Variants in CHST6 observed in about 807,000 individuals in gnomAD.
CHST6 encodes N-acetylglucosamine 6-O-sulfotransferase 5.
For synonymous variants in CHST6, 309 were observed against 276.4 expected, an observed-to-expected ratio of 1.12 and a Z score of -1.17; for missense variants, 698 against 586.2, an observed-to-expected ratio of 1.19 and a Z score of -1.97.
intron 2 of CHST6, 90 bp from the exon 3 acceptor site, chr16:75,479,934 C>T: frequency 9.1e-7 from 1 of 1,099,266 alleles, no homozygotes; most frequent in South Asian, 1.4e-5. Flanking sequence ...GCAGATTCTA[C>T]CACCAGACCC....
intron 1 of CHST6, among the ~76,000 whole-genome samples, chr16:75,487,349 C>T (rs937255816): frequency 6.6e-5 from 10 of 152,164 alleles, no homozygotes; most frequent in East Asian, 1.9e-4. Context: ...TCACTTCCAG[C>T]CAAGCTCTGC....
intron 1 of CHST6, among the ~76,000 whole-genome samples, chr16:75,486,074 A>C (rs531103813): frequency 6.6e-6 from 1 of 152,176 alleles, no homozygotes; most frequent in Non-Finnish European, 1.5e-5. Context: ...GTGTTCATCA[A>C]ACAAGCTCCA....
At chr16:75,485,011 A>C (rs2080180401) in intron 1 of CHST6, among the ~76,000 whole-genome samples, 1 of 152,204 alleles carries the variant, frequency 6.6e-6, no homozygotes, top group African/African-American at 2.4e-5. Context: ...CCTATCTCTC[A>C]TGCCCTCTCC....
At chr16:75,488,483 A>AG (rs1025165171) in intron 1 of CHST6, among the ~76,000 whole-genome samples, 3 of 151,394 alleles carry the variant, frequency 2.0e-5, no homozygotes, top group African/African-American at 7.3e-5. Context: ...GAGAAAAAAA[A>AG]AAAAAAAAGA....
At chr16:75,486,815 C>T (rs567900383) in intron 1 of CHST6, among the ~76,000 whole-genome samples, 2 of 152,250 alleles carry the variant, frequency 1.3e-5, no homozygotes, top group African/African-American at 4.8e-5. Context: ...TAGATAGTGA[C>T]AGTGAAACCC....
Position 75,472,261 on chromosome 16 carries a change from A to G in CHST6, c.*6380T>C, listed in dbSNP as rs538736187. ...TTTACACTTTATGTGCAGATGTTGT[A>G]TATCAATTATAGCTCAATGAAGCTT... On this transcript the variant is annotated 3_prime_UTR_variant, in exon 3 of 3. Transcript: ENST00000332272. 6.6e-6 allele frequency: 1 copy of G among 152,256 alleles called. No individual in the cohort carries two copies. The highest frequency in any genetic ancestry group is 1.5e-5 in the Non-Finnish European group (1 of 68,042). 9.4% of individuals were successfully genotyped at this position (152,256 alleles called of 1,614,324 possible).
In CHST6 at chr16:75,478,924, C is replaced by G. The variant is rs2080100016; in HGVS notation, c.905G>C (p.Trp302Ser). The G allele has an allele frequency of 1.2e-6, 2 of 1,613,216 alleles. No homozygotes were observed. Among genetic ancestry groups the G allele is most frequent in the Non-Finnish European group, 1.7e-6 (2 of 1,179,978 alleles). ...GLSLTPQLEA[W>S]IHNITHGSGP... ...AGATCCGTGGGTGATGTTATGGATC[C>G]AGGCCTCGAGCTGTGGCGTGAGACT... The change falls in exon 3 of 3, where the codon TGG (tryptophan) becomes TCG (serine). Residue 302 changes from tryptophan to serine, a missense_variant. Coordinates refer to ENST00000332272, the MANE Select transcript of CHST6 (RefSeq NM_021615.5).
intron 1 of CHST6, among the ~76,000 whole-genome samples, chr16:75,484,796 A>G (rs1450046253): frequency 1.3e-5 from 2 of 152,166 alleles, no homozygotes; most frequent in African/African-American, 4.8e-5. Context: ...GTGAGCTGAG[A>G]TTGCGCCACT....
chr16:75,488,475 G>GAAA (rs1384982763), intron 1 of CHST6, among the ~76,000 whole-genome samples: 1 of 86,544 alleles, frequency 1.2e-5, no homozygotes, highest in Non-Finnish European at 2.4e-5. Flanking sequence ...GTCACAAGGA[G>GAAA]AAAAAAAAAA....
intron 1 of CHST6, 100 bp from the exon 2 acceptor site, chr16:75,481,991 G>T: frequency 2.5e-6 from 1 of 401,406 alleles, no homozygotes; most frequent in African/African-American, 2.1e-5. Flanking sequence ...TCTGTAGGAT[G>T]GGATGTGCAA....
Position 75,474,862 on chromosome 16 carries a change from C to G in CHST6, c.*3779G>C. 2.6e-6 allele frequency: 1 copy of G among 390,426 alleles called. No individual in the cohort carries two copies. The highest frequency in any genetic ancestry group is 4.5e-6 in the Non-Finnish European group (1 of 221,254). The allele number at this position is 390,426 out of a possible 1,614,324, so 24.2% of individuals were successfully genotyped here. On this transcript the variant is annotated 3_prime_UTR_variant, in exon 3 of 3. Transcript: ENST00000332272. ...CCAGGCTGGAGTACAGTGGTGCGAT[C>G]TCAGCTCACTGCAATCTCTGCCTCC...
rs1443299574 is a variant in CHST6, at chr16:75,479,743, G to A, written c.86C>T (p.Pro29Leu). The A allele has an allele frequency of 1.9e-6, 3 of 1,604,512 alleles. No homozygotes were observed. The highest frequency in any genetic ancestry group is 2.6e-6 in the Non-Finnish European group (3 of 1,175,758). Residue 29 changes from proline (P) to leucine (L), a missense_variant, in exon 3 of 3, where the codon CCA becomes CTA. Coordinates refer to ENST00000332272, the MANE Select transcript of CHST6 (RefSeq NM_021615.5). ...GCCGCCTGCTGGGGACGAGGGCCCT[G>A]GCCGGGAAACCAGAAAGAGGAGGAG... ...TFLLLFLVSR[P>L]GPSSPAGGEA...
At chr16:75,492,749 C>T (rs2080269449) in intron 1 of CHST6, among the ~76,000 whole-genome samples, 1 of 124,416 alleles carries the variant, frequency 8.0e-6, no homozygotes, top group Admixed American at 8.5e-5. Flanking sequence ...ACCCAGGAGG[C>T]TGAGGCAGGA....
chr16:75,481,376 T>G (rs2080139850), intron 2 of CHST6, among the ~76,000 whole-genome samples: 1 of 152,114 alleles, frequency 6.6e-6, no homozygotes, highest in South Asian at 2.1e-4. Context: ...GCAGATCACC[T>G]GAAGTCAGGA....
In CHST6 at chr16:75,478,437, G is replaced by A. The variant is rs1597471099; in HGVS notation, c.*204C>T. On this transcript the variant is annotated 3_prime_UTR_variant, in exon 3 of 3. Coordinates refer to ENST00000332272, the MANE Select transcript of CHST6 (RefSeq NM_021615.5). ...GCTTTCCATGAAGAGTGCACCTGAT[G>A]AGAAGGCAGCTCCAGAGGACTCAAA... 1.6e-6 allele frequency: 1 copy of A among 613,098 alleles called. No individual in the cohort carries two copies. Among genetic ancestry groups the A allele is most frequent in the East Asian group, 2.8e-5 (1 of 35,744 alleles). 38.0% of individuals were successfully genotyped at this position (613,098 alleles called of 1,614,324 possible).
intron 1 of CHST6, among the ~76,000 whole-genome samples, chr16:75,491,190 A>AAAAAAAAAATAT (rs1206595857): frequency 4.0e-5 from 2 of 50,074 alleles, no homozygotes; most frequent in African/African-American, 2.2e-4. Flanking sequence ...AAAAAAAAAA[A>AAAAAAAAAATAT]ATATATATAT....
chr16:75,474,457 G>A lies in CHST6; in HGVS notation c.*4184C>T, dbSNP rs1048960664. 4.3e-5 allele frequency: 17 copies of A among 393,400 alleles called. No individual in the cohort carries two copies. Among genetic ancestry groups the A allele is most frequent in the Non-Finnish European group, 6.7e-5 (15 of 223,328 alleles). The allele number at this position is 393,400 out of a possible 1,614,324, so 24.4% of individuals were successfully genotyped here. On this transcript the variant is annotated 3_prime_UTR_variant, in exon 3 of 3. Transcript: ENST00000332272. ...GCCCTGCTAATTTTTTTTTAACTTT[G>A]TAGAGATGGGGTCTCACTATGTTGC...
In CHST6 at chr16:75,478,631, G is replaced by T; in HGVS notation, c.*10C>A. 6.2e-7 allele frequency: 1 copy of T among 1,611,822 alleles called. No individual in the cohort carries two copies. Among genetic ancestry groups the T allele is most frequent in the African/African-American group, 1.3e-5 (1 of 75,004 alleles). Reference sequence around the variant, plus strand: ...CCCGGGCCTAGCGCCTGCTACAACTGTGGCCTCCACTAATTTCGGGGGTGC... The same window carrying T: ...CCCGGGCCTAGCGCCTGCTACAACTTTGGCCTCCACTAATTTCGGGGGTGC... On this transcript the variant is annotated 3_prime_UTR_variant, in exon 3 of 3. Coordinates refer to ENST00000332272, the MANE Select transcript of CHST6 (RefSeq NM_021615.5).
chr16:75,475,546 C>T lies in CHST6; in HGVS notation c.*3095G>A, dbSNP rs1567406254. ...CCTTCCTGTTGGGACTGCACTCTCA[C>T]AGAGATATAAGACATACGTGATCAG... is the stretch of plus-strand genomic sequence containing the variant. On this transcript the variant is annotated 3_prime_UTR_variant, in exon 3 of 3. Transcript: ENST00000332272. The T allele has an allele frequency of 1.3e-5, 2 of 152,350 alleles. No individual in the cohort carries two copies. The highest frequency in any genetic ancestry group is 1.5e-5 in the Non-Finnish European group (1 of 68,074). 9.4% of individuals were successfully genotyped at this position (152,350 alleles called of 1,614,324 possible). A position where few individuals can be genotyped will look rare whatever the true frequency, so the allele number is the denominator to read the frequency against.
Sources: allele counts gnomAD v4.1 joint callset (sites outside exome capture counted in the v4.1 genomes callset), GRCh38; gene constraint gnomAD v4.1.1; transcripts MANE v1.5; gene names NCBI Gene and HGNC (gene_info 2026-07-23, HGNC 2026-07-21).